Variants in TMOD3 observed in about 807,000 individuals in gnomAD.
TMOD3 encodes the protein tropomodulin 3.
In TMOD3, 20 loss-of-function variants were observed where a neutral mutation model predicts 39.2. The ratio of observed to expected loss-of-function variants is 0.51; its 90% CI spans 0.36 to 0.74. The LOEUF is 0.74. TMOD3 is among the 30% of genes least tolerant of loss of function. TMOD3 has a pLI of 0.00. For synonymous variants in TMOD3, 143 were observed against 145.8 expected (o/e 0.98, Z 0.14); for missense variants, 381 against 412.8 (o/e 0.92, Z 0.67).
chr15:51,887,795 C>T (rs866422536), intron 4 of TMOD3, 84 bp downstream of exon 4: 32 of 1,540,188 alleles, frequency 2.1e-5, no homozygotes, highest in Admixed American at 1.7e-4. Flanking sequence ...ATTATACAAA[C>T]GTTTGCTTTA....
At chr15:51,853,791 A>AAT in intron 1 of TMOD3, among the ~76,000 whole-genome samples, 1 of 100,412 alleles carries the variant, frequency 1.0e-5, no homozygotes, top group African/African-American at 4.3e-5. Flanking sequence ...ACTGTCTCTT[A>AAT]AAAAAAAAAA....
rs2470600 is a variant in TMOD3, at chr15:51,913,183, C to T, written c.*4373C>T. 0.37 allele frequency: 55,674 copies of T among 151,984 alleles called. 10,577 individuals are homozygous for T. The highest frequency in any genetic ancestry group is 0.43 in the Middle Eastern group (125 of 294). The allele number at this position is 151,984 out of a possible 1,614,324, so 9.4% of individuals were successfully genotyped here. ...AGAGACGGGGTTTCACCATGTTGGC[C>T]GGGCTGTTCTCAAAGTGACCTCAGG... is the stretch of plus-strand genomic sequence containing the variant. On this transcript the variant is annotated 3_prime_UTR_variant, in exon 10 of 10. Coordinates refer to ENST00000308580, the MANE Select transcript of TMOD3 (RefSeq NM_014547.5).
chr15:51,859,017 A>T (rs546046875), intron 1 of TMOD3, among the ~76,000 whole-genome samples: 26 of 152,310 alleles, frequency 1.7e-4, no homozygotes, highest in African/African-American at 3.4e-4. Flanking sequence ...ATCTTTTTTT[A>T]AATTTTTTAA....
chr15:51,895,895 G>A (rs1304769464), intron 6 of TMOD3, among the ~76,000 whole-genome samples: 1 of 152,166 alleles, frequency 6.6e-6, no homozygotes, highest in African/African-American at 2.4e-5. Context: ...GATCACCTGA[G>A]GTCAGGAGTT....
rs775094494 is a variant in TMOD3 at position 51,893,888 on chromosome 15, G to A, written c.570G>A (p.Leu190=). Reference sequence around the variant, plus strand: ...ATCCAACCAATGTAGAAGAGAGTTTGAAGAGAACTAAAGAAAACGATGCTC... The same window carrying A: ...ATCCAACCAATGTAGAAGAGAGTTTAAAGAGAACTAAAGAAAACGATGCTC... ...PPNPTNVEES[L]KRTKENDAHL... Residue 190 remains leucine, a synonymous_variant, in exon 6 of 10, where the codon TTG becomes TTA. Coordinates refer to ENST00000308580, the MANE Select transcript of TMOD3 (RefSeq NM_014547.5). 2.5e-6 allele frequency: 4 copies of A among 1,610,790 alleles called. No homozygotes were observed. The South Asian group carries it at 4.4e-5, about 18-fold the overall frequency.
At chr15:51,862,786 A>G (rs2056425615) in intron 1 of TMOD3, 25 bp from the exon 2 acceptor site, 3 of 1,208,358 alleles carry the variant, frequency 2.5e-6, no homozygotes, top group Non-Finnish European at 3.4e-6. Context: ...ACTATTTAAA[A>G]TGTATTTGTT....
rs562034154 is a variant in TMOD3, at chr15:51,891,779, T to C, written c.497-2036T>C. ...TCCCTAGCTATCTTGAAGACTACCT[T>C]GCTGAACTTAAGTGAGAGGGATCCC... On this transcript the variant is annotated intron_variant, in intron 5 of 9. Transcript: ENST00000308580. 2.0e-5 allele frequency among the ~76,000 whole-genome samples: 3 copies of C among 152,320 alleles called. No individual in the cohort carries two copies. The East Asian group carries it at 5.8e-4, about 29-fold the overall frequency.
chr15:51,860,119 C>T (rs2056409601), intron 1 of TMOD3: 24 of 478,868 alleles, frequency 5.0e-5, no homozygotes, highest in South Asian at 3.8e-4. Flanking sequence ...CGCTGCTCTT[C>T]TCCCGTTTGT....
intron 6 of TMOD3, among the ~76,000 whole-genome samples, chr15:51,895,009 C>T (rs1010040562): frequency 1.3e-5 from 2 of 152,064 alleles, no homozygotes; most frequent in African/African-American, 4.8e-5. Flanking sequence ...CTCAAATTAT[C>T]TAGATATTAG....
At chr15:51,830,180 G>T (rs1056653835) in intron 1 of TMOD3, among the ~76,000 whole-genome samples, 3 of 152,078 alleles carry the variant, frequency 2.0e-5, no homozygotes, top group African/African-American at 4.8e-5. Flanking sequence ...CCTACCCAGC[G>T]TCGCCGGGAC....
At chr15:51,859,333 C>A in intron 1 of TMOD3, 1 of 715,350 alleles carries the variant, frequency 1.4e-6, no homozygotes, top group African/African-American at 1.7e-5. Context: ...ATACAATCCA[C>A]CCAAAGATCA....
intron 1 of TMOD3, chr15:51,860,168 AG>A (rs1425689361): frequency 2.1e-6 from 1 of 471,240 alleles, no homozygotes; most frequent in African/African-American, 2.0e-5. Context: ...CATAATCCCA[AG>A]TGAGAAGATC....
chr15:51,833,777 G>A lies in TMOD3; in HGVS notation c.-75+3941G>A, dbSNP rs137897940. On this transcript the variant is annotated intron_variant, in intron 1 of 9. Transcript: ENST00000308580. ...TCTCCTTGATGGATATTTGGAATAA[G>A]ATTGTTATGAACATACTTTTACAAG... Among the ~76,000 whole-genome samples the A allele has an allele frequency of 7.4e-3, 1,127 of 152,310 alleles. 5 individuals carry two copies. The highest frequency in any genetic ancestry group is 9.1e-3 in the Non-Finnish European group (618 of 68,022).
intron 1 of TMOD3, among the ~76,000 whole-genome samples, chr15:51,842,414 C>T (rs995227799): frequency 8.5e-5 from 13 of 152,154 alleles, no homozygotes; most frequent in African/African-American, 3.1e-4. Context: ...TCCTAGCAAG[C>T]CCTCTTCAGT....
In TMOD3 at chr15:51,915,523, A is replaced by G. The variant is rs774505065; in HGVS notation, c.*6713A>G. The G allele has an allele frequency of 6.6e-5, 10 of 152,190 alleles. No homozygotes were observed. The highest frequency in any genetic ancestry group is 1.5e-4 in the Non-Finnish European group (10 of 68,040). The allele number at this position is 152,190 out of a possible 1,614,324, so 9.4% of individuals were successfully genotyped here. On this transcript the variant is annotated 3_prime_UTR_variant, in exon 10 of 10. Transcript: ENST00000308580. Reference sequence around the variant, plus strand: ...TTTTTCTAATGCTAAAATATCCAACATTGTAATTGCCCTATTTTTCCATTT... The same window carrying G: ...TTTTTCTAATGCTAAAATATCCAACGTTGTAATTGCCCTATTTTTCCATTT...
At chr15:51,886,343 C>A (rs550865214) in intron 3 of TMOD3, among the ~76,000 whole-genome samples, 1 of 152,170 alleles carries the variant, frequency 6.6e-6, no homozygotes, top group Admixed American at 6.5e-5. Context: ...TGTAGCGAGC[C>A]GAGATCACGC....
intron 1 of TMOD3, among the ~76,000 whole-genome samples, chr15:51,857,670 A>T (rs2141680135): frequency 6.6e-6 from 1 of 152,346 alleles, no homozygotes; most frequent in African/African-American, 2.4e-5. Flanking sequence ...TGTATATTTT[A>T]AAATATTCAT....
intron 1 of TMOD3, among the ~76,000 whole-genome samples, chr15:51,831,298 T>C (rs1375567788): frequency 6.6e-6 from 1 of 152,226 alleles, no homozygotes; most frequent in Non-Finnish European, 1.5e-5. Flanking sequence ...TCATCTGAAA[T>C]TAAATAGGTA....
At chr15:51,861,352 C>A in intron 1 of TMOD3, 1 of 203,228 alleles carries the variant, frequency 4.9e-6, no homozygotes, top group Non-Finnish European at 1.0e-5. Flanking sequence ...GCAGGAAGCT[C>A]CCCCATTTGC....
Sources: gnomAD v4.1 joint callset for allele counts (sites outside exome capture counted in the v4.1 genomes callset) on GRCh38, gnomAD v4.1.1 for gene constraint, MANE v1.5 for transcripts, NCBI Gene and HGNC (gene_info 2026-07-23, HGNC 2026-07-21) for gene names.